Variants in FHOD3 observed in about 807,000 individuals in gnomAD.
FHOD3 encodes the protein formin homology 2 domain containing 3.
A neutral mutation model predicts 173.0 loss-of-function variants in FHOD3; 90 were observed. The ratio of observed to expected loss-of-function variants is 0.52; its 90% CI spans 0.44 to 0.62. The LOEUF (loss-of-function observed/expected upper bound fraction) is 0.62. Ranked by LOEUF, FHOD3 falls within the 20% of genes least tolerant of loss-of-function variation. FHOD3 has a pLI of 0.00. For missense variants in FHOD3, 1,945 were observed against 2,034.7 expected (o/e 0.96, Z 0.85); for synonymous variants, 828 against 823.0 (o/e 1.01, Z -0.10).
intron 1 of FHOD3, among the ~76,000 whole-genome samples, chr18:36,302,098 G>A (rs967102858): frequency 2.0e-5 from 3 of 152,200 alleles, no homozygotes; most frequent in African/African-American, 2.4e-5. Flanking sequence ...GAGAAGTTCC[G>A]AGTTGGCATG....
intron 3 of FHOD3, among the ~76,000 whole-genome samples, chr18:36,434,191 T>C (rs957015110): frequency 6.6e-6 from 1 of 152,260 alleles, no homozygotes; most frequent in African/African-American, 2.4e-5. Context: ...CTCTGTTTTC[T>C]GGTAGACATT....
intron 3 of FHOD3, among the ~76,000 whole-genome samples, chr18:36,409,367 G>C (rs540147951): frequency 3.3e-5 from 5 of 152,152 alleles, no homozygotes; most frequent in Non-Finnish European, 5.9e-5. Context: ...GCTGTTGGCT[G>C]TCATGTCTGA....
At chr18:36,332,478 A>G (rs999701900) in intron 1 of FHOD3, among the ~76,000 whole-genome samples, 8 of 152,012 alleles carry the variant, frequency 5.3e-5, no homozygotes, top group Admixed American at 6.5e-5. Flanking sequence ...TGCTCCTGCT[A>G]GAGATGTATG....
chr18:36,431,995 T>A (rs2050576401), intron 3 of FHOD3, among the ~76,000 whole-genome samples: 1 of 152,194 alleles, frequency 6.6e-6, no homozygotes, highest in African/African-American at 2.4e-5. Context: ...ATATAAAGAT[T>A]TAAAGAAAAA....
At chr18:36,649,275 T>A in intron 10 of FHOD3, 41 bp from the exon 11 acceptor site, 1 of 1,460,048 alleles carries the variant, frequency 6.8e-7, no homozygotes, top group South Asian at 1.2e-5. Context: ...CACTTTTCCA[T>A]GTTGTCTGTG....
At chr18:36,603,974 C>G (rs1781695202) in intron 8 of FHOD3, among the ~76,000 whole-genome samples, 2 of 152,184 alleles carry the variant, frequency 1.3e-5, no homozygotes, top group South Asian at 4.1e-4. Context: ...CCACTTGTCT[C>G]ACGTGATGGT....
rs2050392430 is a variant in FHOD3 at position 36,428,940 on chromosome 18, C to T, written c.337+56196C>T. On this transcript the variant is annotated intron_variant, in intron 3 of 28. Coordinates refer to ENST00000590592, the MANE Select transcript of FHOD3 (RefSeq NM_001281740.3). ...GACAGTGTGGGCTGGCTAGGCACGC[C>T]AAGCTTCTGGAGTGAAACTTGAAAT... Among the ~76,000 whole-genome samples the T allele has an allele frequency of 2.6e-5, 4 of 152,236 alleles. No individual in the cohort carries two copies. In the South Asian group the frequency reaches 8.3e-4, roughly 32 times the overall value.
In FHOD3 at chr18:36,456,388, G is replaced by A. The variant is rs1234153749; in HGVS notation, c.338-45544G>A. ...CACCATCTTAGGGGTTTGTAGCCTG[G>A]ATATGCTGATGGTTTTTCTTATCTT... On this transcript the variant is annotated intron_variant, in intron 3 of 28. Transcript: ENST00000590592. 7.9e-5 allele frequency among the ~76,000 whole-genome samples: 12 copies of A among 152,162 alleles called. No homozygotes were observed. In the East Asian group the frequency reaches 2.3e-3, roughly 29 times the overall value.
chr18:36,352,656 G>A (rs1598808674), intron 1 of FHOD3, among the ~76,000 whole-genome samples: 1 of 152,232 alleles, frequency 6.6e-6, no homozygotes, highest in East Asian at 1.9e-4. Flanking sequence ...TCCTTGAGGA[G>A]AAGTAGAAAC....
At chr18:36,369,441 A>ACACG (rs1763571974) in intron 2 of FHOD3, among the ~76,000 whole-genome samples, 1 of 12,638 alleles carries the variant, frequency 7.9e-5, no homozygotes, top group African/African-American at 5.3e-4. Context: ...TTTTATTTAA[A>ACACG]CACACACACA....
chr18:36,407,258 G>T (rs2049117726), intron 3 of FHOD3, among the ~76,000 whole-genome samples: 1 of 152,162 alleles, frequency 6.6e-6, no homozygotes. Flanking sequence ...GCTTTTTTGG[G>T]TGATTCCAAC....
intron 3 of FHOD3, among the ~76,000 whole-genome samples, chr18:36,496,803 A>G (rs1400303795): frequency 6.6e-6 from 1 of 152,246 alleles, no homozygotes; most frequent in African/African-American, 2.4e-5. Flanking sequence ...AAGAGAAGGT[A>G]TCTGTCAAAA....
At chr18:36,663,041 T>C (rs1389424830) in intron 14 of FHOD3, among the ~76,000 whole-genome samples, 1 of 152,220 alleles carries the variant, frequency 6.6e-6, no homozygotes, top group Non-Finnish European at 1.5e-5. Flanking sequence ...CTTCATTTAT[T>C]GTGTGTTTAC....
intron 3 of FHOD3, among the ~76,000 whole-genome samples, chr18:36,466,292 C>T (rs550615932): frequency 6.6e-6 from 1 of 152,272 alleles, no homozygotes; most frequent in East Asian, 1.9e-4. Context: ...GGATTCCACT[C>T]ATCTGGCTCA....
chr18:36,671,181 G>T (rs776424361), intron 14 of FHOD3, among the ~76,000 whole-genome samples: 10 of 152,164 alleles, frequency 6.6e-5, no homozygotes, highest in Non-Finnish European at 1.2e-4. Flanking sequence ...ACCCTTTCTG[G>T]TATGTTACCC....
intron 1 of FHOD3, among the ~76,000 whole-genome samples, chr18:36,335,742 A>G (rs985283027): frequency 7.9e-5 from 12 of 152,110 alleles, no homozygotes; most frequent in African/African-American, 2.9e-4. Context: ...TGCTGCTGCC[A>G]CATCTCTGTT....
chr18:36,663,221 G>A (rs1018500439), intron 14 of FHOD3, among the ~76,000 whole-genome samples: 1 of 152,118 alleles, frequency 6.6e-6, no homozygotes, highest in Non-Finnish European at 1.5e-5. Flanking sequence ...ATAGTATGAG[G>A]CAGAGGTCCA....
At chr18:36,304,842 A>G (rs956321370) in intron 1 of FHOD3, among the ~76,000 whole-genome samples, 1 of 152,242 alleles carries the variant, frequency 6.6e-6, no homozygotes, top group Non-Finnish European at 1.5e-5. Flanking sequence ...AGTGATAACA[A>G]TATATAAAGG....
chr18:36,725,570 G>T (rs2041019481), intron 19 of FHOD3, among the ~76,000 whole-genome samples: 1 of 152,144 alleles, frequency 6.6e-6, no homozygotes, highest in Non-Finnish European at 1.5e-5. Flanking sequence ...AGGCAGCAGG[G>T]TGGTATCATA....
Sources: allele counts gnomAD v4.1 joint callset (sites outside exome capture counted in the v4.1 genomes callset), GRCh38; gene constraint gnomAD v4.1.1; transcripts MANE v1.5; gene names NCBI Gene and HGNC (gene_info 2026-07-23, HGNC 2026-07-21).